The following CSMD3 variants were observed in gnomAD, a reference collection of about 807,000 sequenced individuals.
CSMD3 encodes the protein CUB and sushi domain-containing protein 3.
CSMD3 carries 177 observed loss-of-function variants against 435.2 expected under a neutral mutation model. The ratio of observed to expected loss-of-function variants is 0.41; its 90% CI spans 0.36 to 0.46. The LOEUF (loss-of-function observed/expected upper bound fraction) is 0.46, where lower values mean the gene tolerates loss of function less well. CSMD3 is among the 20% of genes least tolerant of loss of function. The probability of loss-of-function intolerance (pLI) is 0.34; values close to 1 mark genes in which losing one functional copy is unlikely to be tolerated. For missense variants in CSMD3, 4,265 were observed against 4,504.6 expected (o/e 0.95, Z 1.52); for synonymous variants, 1,656 against 1,520.5 (o/e 1.09, Z -2.07).
intron 40 of CSMD3, 124 bp downstream of exon 40, chr8:112,351,051 T>C (rs1826093850): frequency 5.1e-6 from 3 of 583,920 alleles, no homozygotes; most frequent in South Asian, 5.1e-5. Context: ...AGGCAAACTA[T>C]ATGTTTGAAA....
At chr8:113,019,204 A>C in intron 5 of CSMD3, 25 bp from the exon 6 acceptor site, 2 of 1,486,468 alleles carry the variant, frequency 1.3e-6, no homozygotes, top group Non-Finnish European at 9.4e-7. Context: ...ACAACAACAA[A>C]AAAATTTAAA....
chr8:112,554,011 A>G lies in CSMD3; in HGVS notation c.4235-1291T>C, dbSNP rs75452280. 7.7e-3 allele frequency among the ~76,000 whole-genome samples: 1,166 copies of G among 151,988 alleles called. 38 individuals are homozygous for G. The East Asian group carries it at 0.088, about 11-fold the overall frequency. On this transcript the variant is annotated intron_variant, in intron 25 of 70. Transcript: ENST00000297405. ...TAAATTTGAAGACCTTAAGAGCACAACTAAGTTTCCTGGGGGGAAAAAAAA... is the reference window on the plus strand; with the variant it reads ...TAAATTTGAAGACCTTAAGAGCACAGCTAAGTTTCCTGGGGGGAAAAAAAA...
chr8:112,728,837 C>T (rs566671402), intron 13 of CSMD3, among the ~76,000 whole-genome samples: 11 of 152,044 alleles, frequency 7.2e-5, no homozygotes, highest in African/African-American at 2.6e-4. Flanking sequence ...ATTATGGACA[C>T]CATACAATAT....
chr8:112,293,822 T>C (rs562178132), intron 54 of CSMD3, among the ~76,000 whole-genome samples: 21 of 152,244 alleles, frequency 1.4e-4, no homozygotes, highest in African/African-American at 4.8e-4. Flanking sequence ...ACTTAGGAAA[T>C]GACCCAAGAG....
chr8:112,467,201 CAAT>C (rs1420194948), intron 32 of CSMD3, among the ~76,000 whole-genome samples: 2 of 152,068 alleles, frequency 1.3e-5, no homozygotes, highest in African/African-American at 4.8e-5. Flanking sequence ...GAGACTGTGC[CAAT>C]AATAAAAGAT....
chr8:112,945,869 C>T (rs2083594300), intron 9 of CSMD3, among the ~76,000 whole-genome samples: 1 of 151,462 alleles, frequency 6.6e-6, no homozygotes, highest in African/African-American at 2.4e-5. Context: ...CAGGCTATTC[C>T]TTCCCTGCCG....
chr8:112,883,445 G>A (rs1425106256), intron 10 of CSMD3, among the ~76,000 whole-genome samples: 4 of 151,960 alleles, frequency 2.6e-5, no homozygotes, highest in Admixed American at 2.6e-4. Context: ...AACCATTTCA[G>A]TGCTTCTAAT....
chr8:113,367,532 G>C (rs926240361), intron 1 of CSMD3, among the ~76,000 whole-genome samples: 65 of 151,900 alleles, frequency 4.3e-4, no homozygotes, highest in African/African-American at 1.5e-3. Flanking sequence ...TTCAGAAGCC[G>C]TCTTACTGAA....
intron 7 of CSMD3, among the ~76,000 whole-genome samples, chr8:112,970,622 A>G (rs1219108954): frequency 6.6e-6 from 1 of 151,836 alleles, no homozygotes; most frequent in African/African-American, 2.4e-5. Context: ...GCAGACTAAT[A>G]TTTCTATTCA....
chr8:112,469,362 G>T (rs1327379875), intron 32 of CSMD3, among the ~76,000 whole-genome samples: 1 of 152,112 alleles, frequency 6.6e-6, no homozygotes, highest in Non-Finnish European at 1.5e-5. Context: ...TTATTTTCAT[G>T]TGTAATGTTG....
At chr8:112,351,471 C>T (rs1826129128) in intron 39 of CSMD3, among the ~76,000 whole-genome samples, 1 of 151,768 alleles carries the variant, frequency 6.6e-6, no homozygotes, top group Non-Finnish European at 1.5e-5. Flanking sequence ...AAAAATAATA[C>T]TTCATATCAT....
At chr8:112,868,492 A>G (rs1216598739) in intron 10 of CSMD3, among the ~76,000 whole-genome samples, 9 of 152,170 alleles carry the variant, frequency 5.9e-5, no homozygotes, top group Non-Finnish European at 1.0e-4. Context: ...ATCACCAAAA[A>G]CACATGAGTA....
intron 1 of CSMD3, among the ~76,000 whole-genome samples, chr8:113,393,009 G>GT (rs1208831910): frequency 2.0e-5 from 3 of 150,806 alleles, no homozygotes; most frequent in African/African-American, 7.3e-5. Context: ...ATACACATGT[G>GT]TTTTTTTACA....
At chr8:113,408,935 C>T (rs976180804) in intron 1 of CSMD3, among the ~76,000 whole-genome samples, 1 of 151,842 alleles carries the variant, frequency 6.6e-6, no homozygotes, top group Non-Finnish European at 1.5e-5. Context: ...CAAAGTGCTC[C>T]GTATAGGCCG....
chr8:113,065,569 T>C (rs1244772667), intron 5 of CSMD3, among the ~76,000 whole-genome samples: 1 of 152,074 alleles, frequency 6.6e-6, no homozygotes, highest in East Asian at 1.9e-4. Context: ...TTTGTATTTT[T>C]AGTAGAGACA....
chr8:113,211,025 T>C (rs115914862), intron 3 of CSMD3, among the ~76,000 whole-genome samples: 1,538 of 152,248 alleles, frequency 0.01, 22 homozygotes, highest in African/African-American at 0.036. Flanking sequence ...CTAGCTATCA[T>C]AATGCTCAGA....
intron 7 of CSMD3, among the ~76,000 whole-genome samples, chr8:112,957,189 TAC>T (rs2084051584): frequency 6.6e-6 from 1 of 152,142 alleles, no homozygotes; most frequent in Non-Finnish European, 1.5e-5. Flanking sequence ...TTATAAAAGA[TAC>T]AGAGCATAAA....
At chr8:112,879,272 C>A (rs908498191) in intron 10 of CSMD3, among the ~76,000 whole-genome samples, 7 of 152,110 alleles carry the variant, frequency 4.6e-5, no homozygotes, top group Non-Finnish European at 1.0e-4. Context: ...TATGCAGTTG[C>A]AGATAAGAGA....
At chr8:113,175,641 T>G (rs2092336843) in intron 3 of CSMD3, among the ~76,000 whole-genome samples, 1 of 152,026 alleles carries the variant, frequency 6.6e-6, no homozygotes, top group South Asian at 2.1e-4. Context: ...AATACTTAAT[T>G]TTTTGGAAAA....
Sources: gnomAD v4.1 joint callset for allele counts (sites outside exome capture counted in the v4.1 genomes callset) on GRCh38, gnomAD v4.1.1 for gene constraint, MANE v1.5 for transcripts, NCBI Gene and HGNC (gene_info 2026-07-23, HGNC 2026-07-21) for gene names.